Variants in BCAS3 observed in about 807,000 individuals in gnomAD.
BCAS3 encodes BCAS4/BCAS3 fusion.
A neutral mutation model predicts 116.1 loss-of-function variants in BCAS3; 53 were observed. That is an observed-to-expected ratio of 0.46 (90% CI 0.37 to 0.57). BCAS3 has a LOEUF of 0.57. Ranked by LOEUF, BCAS3 falls within the 20% of genes least tolerant of loss-of-function variation. The probability of loss-of-function intolerance (pLI) is 0.00; values close to 1 mark genes in which losing one functional copy is unlikely to be tolerated. For synonymous variants in BCAS3, 391 were observed against 408.2 expected (o/e 0.96, Z 0.51); for missense variants, 917 against 1,165.4 (o/e 0.79, Z 3.10).
In BCAS3 at chr17:61,017,087, C is replaced by CT. The variant is rs969444888; in HGVS notation, c.1637+1191dup. ...GGCACCAATAATTTGGTCTGTATAT[C>CT]TTTTTAATTTTTTTCAGCTTTTTAA... On this transcript the variant is annotated intron_variant, in intron 16 of 23. Transcript: ENST00000407086. This position sits in a 1 kb window ranked among gnomAD's most constrained non-coding sequence, Gnocchi z 4.7. 5.9e-5 allele frequency: 9 copies of CT among 152,200 alleles called. No individual in the cohort carries two copies. Among genetic ancestry groups the CT allele is most frequent in the Admixed American group, 5.9e-4 (9 of 15,292 alleles). 9.4% of individuals were successfully genotyped at this position (152,200 alleles called of 1,614,324 possible). A position where few individuals can be genotyped will look rare whatever the true frequency, so the allele number is the denominator to read the frequency against.
chr17:61,315,253 TA>T lies in BCAS3; in HGVS notation c.2426-53073del, dbSNP rs2054630591. On this transcript the variant is annotated intron_variant, in intron 22 of 23. Transcript: ENST00000407086. The surrounding 1 kb of genome is among the most constrained non-coding windows in gnomAD (Gnocchi z 5.3). ...TCTCAGCCTCCCAAGTAGCTGGGATTATAGGCGCCCACCACCACACCCGGCT... is the reference window on the plus strand; with the variant it reads ...TCTCAGCCTCCCAAGTAGCTGGGATTTAGGCGCCCACCACCACACCCGGCT... 6.6e-6 allele frequency among the ~76,000 whole-genome samples: 1 copy of T among 152,146 alleles called. No individual in the cohort carries two copies. Among genetic ancestry groups the T allele is most frequent in the African/African-American group, 2.4e-5 (1 of 41,426 alleles).
intron 7 of BCAS3, among the ~76,000 whole-genome samples, chr17:60,836,953 A>T (rs1222278584): frequency 2.0e-5 from 3 of 152,110 alleles, no homozygotes; most frequent in Non-Finnish European, 4.4e-5. Context: ...ACATTTGTTG[A>T]TTTGTCTGTT....
At chr17:61,006,403 C>T (rs1473584557) in intron 15 of BCAS3, among the ~76,000 whole-genome samples, 1 of 152,080 alleles carries the variant, frequency 6.6e-6, no homozygotes, top group Non-Finnish European at 1.5e-5. Flanking sequence ...ACTTCTGATA[C>T]TTCTACATCT....
chr17:61,035,700 A>G (rs1195353617), intron 17 of BCAS3, among the ~76,000 whole-genome samples: 2 of 151,842 alleles, frequency 1.3e-5, no homozygotes, highest in Non-Finnish European at 2.9e-5. Flanking sequence ...TCTGTGGAGG[A>G]TACATCCAAG....
rs1433441274 is a variant in BCAS3 at position 60,719,429 on chromosome 17, GA to G, written c.321+10109del. 1.7e-4 allele frequency among the ~76,000 whole-genome samples: 26 copies of G among 152,188 alleles called. 1 individual carries two copies. ...ATTCGTCTTTTATGACAAACAGTTT[GA>G]AAAACACTATCATCAAGACATCCAG... On this transcript the variant is annotated intron_variant, in intron 5 of 23. Coordinates refer to ENST00000407086, the MANE Select transcript of BCAS3 (RefSeq NM_017679.5).
chr17:61,075,052 TA>T, intron 20 of BCAS3, 32 bp downstream of exon 20: 2 of 1,520,346 alleles, frequency 1.3e-6, no homozygotes, highest in African/African-American at 2.8e-5. Context: ...AGTATTAAAG[TA>T]AAATAAAACA....
chr17:61,266,394 C>G (rs2049716930), intron 22 of BCAS3, among the ~76,000 whole-genome samples: 2 of 152,162 alleles, frequency 1.3e-5, no homozygotes, highest in African/African-American at 4.8e-5. Flanking sequence ...GACGATCTTT[C>G]TTGTATGCTT....
At chr17:61,168,066 A>C (rs1455271571) in intron 22 of BCAS3, among the ~76,000 whole-genome samples, 2 of 151,960 alleles carry the variant, frequency 1.3e-5, no homozygotes, top group South Asian at 4.2e-4. Context: ...GGCTTTTATC[A>C]CTCATTGGAA....
At chr17:61,358,243 A>T (rs2058265350) in intron 22 of BCAS3, among the ~76,000 whole-genome samples, 1 of 152,216 alleles carries the variant, frequency 6.6e-6, no homozygotes, top group Non-Finnish European at 1.5e-5. Context: ...CAATAATAAT[A>T]ACTGTATACT....
chr17:60,902,081 T>C lies in BCAS3; in HGVS notation c.739-539T>C, dbSNP rs368505434. On this transcript the variant is annotated intron_variant, in intron 10 of 23. Transcript: ENST00000407086. Reference sequence around the variant, plus strand: ...CATTCCTAATGGTAAAAGTTTAAGCTCTCTGAAGTGGACAGCTAATATACT... The same window carrying C: ...CATTCCTAATGGTAAAAGTTTAAGCCCTCTGAAGTGGACAGCTAATATACT... Among the ~76,000 whole-genome samples, 11 of 152,364 alleles carry C rather than the reference T, an allele frequency of 7.2e-5. No homozygotes were observed. The East Asian group carries it at 1.9e-3, about 27-fold the overall frequency.
At chr17:61,295,988 G>A (rs1283481560) in intron 22 of BCAS3, among the ~76,000 whole-genome samples, 1 of 151,722 alleles carries the variant, frequency 6.6e-6, no homozygotes, top group Non-Finnish European at 1.5e-5. Flanking sequence ...AATTTCCGTA[G>A]GTCATCACAA....
Position 61,078,471 on chromosome 17 carries a change from G to A in BCAS3, c.2269G>A (p.Asp757Asn). The A allele has an allele frequency of 6.2e-7, 1 of 1,614,130 alleles. No homozygotes were observed. The highest frequency in any genetic ancestry group is 1.1e-5 in the South Asian group (1 of 91,068). Residue 757 changes from aspartate (D) to asparagine (N), a missense_variant, in exon 21 of 24, where the codon GAC (aspartate) becomes AAC (asparagine). Asp to Asn is a conservative substitution (Grantham distance 23). This residue lies in a region of BCAS3 where 807 missense variants were observed against 1,026.0 expected (regional missense o/e 0.79). Coordinates refer to ENST00000407086, the MANE Select transcript of BCAS3 (RefSeq NM_017679.5). ...SSVLQSHGPS[D>N]TPQPLLDFDT... ...TGTGTTGCAGTCTCATGGTCCGAGT[G>A]ACACGCCACAGCCTCTTTTGGATTT...
At chr17:60,974,992 C>CTTTTTTTTT (rs1568007292) in intron 14 of BCAS3, among the ~76,000 whole-genome samples, 2 of 142,084 alleles carry the variant, frequency 1.4e-5, no homozygotes, top group African/African-American at 5.9e-5. Flanking sequence ...GTTTTTTTTG[C>CTTTTTTTTT]TTTTTTGTTT....
rs777241714 is a variant in BCAS3 at position 61,098,261 on chromosome 17, T to C, written c.2425+13697T>C. 2.6e-5 allele frequency among the ~76,000 whole-genome samples: 4 copies of C among 152,192 alleles called. No individual in the cohort carries two copies. The highest frequency in any genetic ancestry group is 5.9e-5 in the Non-Finnish European group (4 of 68,026). On this transcript the variant is annotated intron_variant, in intron 22 of 23. Coordinates refer to ENST00000407086, the MANE Select transcript of BCAS3 (RefSeq NM_017679.5). This position sits in a 1 kb window ranked among gnomAD's most constrained non-coding sequence, Gnocchi z 4.2. ...ACAGAATATTCATATATTCAGAACATTGGGACTGAGTTGTGCATGGAGAGG... is the reference window on the plus strand; with the variant it reads ...ACAGAATATTCATATATTCAGAACACTGGGACTGAGTTGTGCATGGAGAGG...
intron 15 of BCAS3, among the ~76,000 whole-genome samples, chr17:61,010,957 T>C (rs980093004): frequency 2.6e-5 from 4 of 152,126 alleles, no homozygotes; most frequent in Non-Finnish European, 5.9e-5. Context: ...ACTTCCTCTG[T>C]CTGCTTGTGC....
chr17:60,711,080 G>T (rs1055295842), intron 5 of BCAS3, among the ~76,000 whole-genome samples: 1 of 151,780 alleles, frequency 6.6e-6, no homozygotes, highest in Non-Finnish European at 1.5e-5. Flanking sequence ...GGCATTACAG[G>T]CATGAGCCAC....
At chr17:61,045,686 C>T (rs994253212) in intron 19 of BCAS3, among the ~76,000 whole-genome samples, 2 of 142,866 alleles carry the variant, frequency 1.4e-5, no homozygotes, top group Admixed American at 7.5e-5. Flanking sequence ...TGTGGTGGCG[C>T]GCACCTGTAA....
At chr17:60,709,395 T>G in intron 5 of BCAS3, 70 bp downstream of exon 5, 2 of 1,019,950 alleles carry the variant, frequency 2.0e-6, no homozygotes, top group South Asian at 1.4e-5. Flanking sequence ...AATCTGTAGA[T>G]ACTTTTTTTT....
rs151157264 is a variant in BCAS3, at chr17:61,324,419, C to G, written c.2426-43908C>G. The stretch of plus-strand genomic sequence containing the variant: ...AGGGCAGGGCAGGGAGAGGCTGCCC[C>G]GAGTATGTGTGGTAGTATTAATATA... On this transcript the variant is annotated intron_variant, in intron 22 of 23. Transcript: ENST00000407086. The surrounding 1 kb of genome is among the most constrained non-coding windows in gnomAD (Gnocchi z 4.6). Among the ~76,000 whole-genome samples, 1 of 152,090 alleles carries G rather than the reference C, an allele frequency of 6.6e-6. No homozygotes were observed. The highest frequency in any genetic ancestry group is 2.4e-5 in the African/African-American group (1 of 41,404).
Sources: allele counts gnomAD v4.1 joint callset (sites outside exome capture counted in the v4.1 genomes callset), GRCh38; gene constraint gnomAD v4.1.1; regional missense constraint gnomAD v4.1.1; non-coding constraint Gnocchi (gnomAD v3.1); transcripts MANE v1.5; gene names NCBI Gene and HGNC (gene_info 2026-07-23, HGNC 2026-07-21).